The following DNAAF11 variants were observed in gnomAD, a reference collection of about 807,000 sequenced individuals.
DNAAF11 encodes leucine rich repeat containing 6.
A neutral mutation model predicts 60.8 loss-of-function variants in DNAAF11; 45 were observed. The observed-to-expected ratio is 0.74, with a 90% CI of 0.58 to 0.95. The LOEUF is 0.95. DNAAF11 is among the 40% of genes least tolerant of loss of function. The pLI is 0.00. For synonymous variants in DNAAF11, 191 were observed against 183.5 expected, an observed-to-expected ratio of 1.04 and a Z score of -0.33; for missense variants, 546 against 546.2, an observed-to-expected ratio of 1.00 and a Z score of 0.00.
intron 5 of DNAAF11, among the ~76,000 whole-genome samples, chr8:132,628,114 T>A (rs943323550): frequency 2.0e-5 from 3 of 152,076 alleles, no homozygotes; most frequent in Non-Finnish European, 2.9e-5. Context: ...ACTTGTTCTA[T>A]AAAATATTCA....
the DNAAF11 span, among the ~76,000 whole-genome samples, chr8:132,682,759 A>T: frequency 6.6e-6 from 1 of 152,214 alleles, no homozygotes; most frequent in Admixed American, 6.5e-5. Flanking sequence ...TTGGTTCATG[A>T]TTCTGATGGC....
At chr8:132,686,628 G>A in the DNAAF11 span, among the ~76,000 whole-genome samples, 1 of 152,112 alleles carries the variant, frequency 6.6e-6, no homozygotes, top group African/African-American at 2.4e-5. Flanking sequence ...CACCCAGGTA[G>A]ATCATGAGTC....
intron 11 of DNAAF11, among the ~76,000 whole-genome samples, chr8:132,574,971 A>G (rs1814588958): frequency 6.6e-6 from 1 of 152,234 alleles, no homozygotes; most frequent in Non-Finnish European, 1.5e-5. Context: ...CATGTGGCAC[A>G]TAAGCTTATA....
intron 7 of DNAAF11, among the ~76,000 whole-genome samples, chr8:132,618,002 CA>C (rs1237976761): frequency 6.7e-6 from 1 of 149,364 alleles, no homozygotes; most frequent in African/African-American, 2.5e-5. Flanking sequence ...AATCCTAAGC[CA>C]AAAGAACAAA....
rs60462067 is a variant in DNAAF11 at position 132,593,332 on chromosome 8, CATATAT to C, written c.1141-9559_1141-9554del. ...ATAAACTTCAAAGAATATATACATA[CATATAT>C]ATATATATATATATATATATATATT... On this transcript the variant is annotated intron_variant, in intron 10 of 11. Coordinates refer to ENST00000620350, the MANE Select transcript of DNAAF11 (RefSeq NM_012472.6). Among the ~76,000 whole-genome samples the C allele has an allele frequency of 7.8e-3, 844 of 108,708 alleles. 22 individuals are homozygous for C. Among genetic ancestry groups the C allele is most frequent in the African/African-American group, 0.027 (732 of 26,716 alleles). The allele number at this position is 108,708 out of a possible 152,430, so 71.3% of individuals were successfully genotyped here.
chr8:132,595,348 G>GAAAAAAAAAAA (rs71306394), intron 10 of DNAAF11, among the ~76,000 whole-genome samples: 15 of 57,412 alleles, frequency 2.6e-4, no homozygotes, highest in African/African-American at 1.6e-3. Flanking sequence ...AGACAGAGGG[G>GAAAAAAAAAAA]AAAAAAAAAA....
chr8:132,697,943 G>C, the DNAAF11 span, among the ~76,000 whole-genome samples: 1 of 152,112 alleles, frequency 6.6e-6, no homozygotes, highest in Non-Finnish European at 1.5e-5. Context: ...ATAAGAATGG[G>C]ACAGAAAATA....
intron 5 of DNAAF11, among the ~76,000 whole-genome samples, chr8:132,628,566 G>A (rs1461043568): frequency 6.6e-6 from 1 of 152,106 alleles, no homozygotes; most frequent in Non-Finnish European, 1.5e-5. Context: ...CTAGTCAAGA[G>A]GTAGATGTTC....
chr8:132,697,763 T>G, the DNAAF11 span, among the ~76,000 whole-genome samples: 1 of 152,106 alleles, frequency 6.6e-6, no homozygotes, highest in Non-Finnish European at 1.5e-5. Context: ...TGCTAAAGTC[T>G]TCAAGAAATG....
chr8:132,674,220 G>A (rs1292654826), intron 1 of DNAAF11, among the ~76,000 whole-genome samples: 1 of 151,092 alleles, frequency 6.6e-6, no homozygotes, highest in African/African-American at 2.4e-5. Flanking sequence ...GGAGGAGGAG[G>A]AGAAGGAGAA....
At chr8:132,581,661 C>CAAAAAAA (rs59380140) in intron 11 of DNAAF11, among the ~76,000 whole-genome samples, 3 of 82,950 alleles carry the variant, frequency 3.6e-5, no homozygotes, top group Non-Finnish European at 4.7e-5. Flanking sequence ...GACTCTGCCT[C>CAAAAAAA]AAAAAAAAAA....
rs762944139 is a variant in DNAAF11 at position 132,616,212 on chromosome 8, ATT to A, written c.915-1117_915-1116del. Among the ~76,000 whole-genome samples, 12 of 152,134 alleles carry A rather than the reference ATT, an allele frequency of 7.9e-5. No homozygotes were observed. In the East Asian group the frequency reaches 1.3e-3, roughly 17 times the overall value. On this transcript the variant is annotated intron_variant, in intron 7 of 11. Coordinates refer to ENST00000620350, the MANE Select transcript of DNAAF11 (RefSeq NM_012472.6). The stretch of plus-strand genomic sequence containing the variant: ...CATGGCTATGTACAATAAAGGTTGC[ATT>A]CTCTGGCCTCCCTTGCAGGTGGGTG...
chr8:132,700,538 A>T, the DNAAF11 span, among the ~76,000 whole-genome samples: 11 of 149,130 alleles, frequency 7.4e-5, no homozygotes, highest in African/African-American at 1.8e-4. Context: ...AAAAAAAAAA[A>T]TTAGCCAGAT....
At chr8:132,662,637 G>A (rs1364537887) in intron 1 of DNAAF11, among the ~76,000 whole-genome samples, 1 of 152,226 alleles carries the variant, frequency 6.6e-6, no homozygotes, top group Non-Finnish European at 1.5e-5. Context: ...TTTGTCAGAT[G>A]AGGAAGTAAA....
chr8:132,593,359 A>ATATATATATATATT (rs1427637816), intron 10 of DNAAF11, among the ~76,000 whole-genome samples: 2 of 145,044 alleles, frequency 1.4e-5, no homozygotes, highest in African/African-American at 2.5e-5. Flanking sequence ...ATATATATAT[A>ATATATATATATATT]TATTTATATG....
intron 8 of DNAAF11, among the ~76,000 whole-genome samples, chr8:132,614,203 C>A (rs1484972153): frequency 6.6e-6 from 1 of 152,092 alleles, no homozygotes. Context: ...GATGGTGGGG[C>A]AGAGAGGCCC....
intron 5 of DNAAF11, among the ~76,000 whole-genome samples, chr8:132,628,233 GA>G (rs1246113297): frequency 6.6e-6 from 1 of 152,088 alleles, no homozygotes; most frequent in Non-Finnish European, 1.5e-5. Context: ...CCAACATGGT[GA>G]AACCCCATCT....
intron 11 of DNAAF11, among the ~76,000 whole-genome samples, chr8:132,574,174 G>C (rs1231740205): frequency 6.6e-6 from 1 of 152,196 alleles, no homozygotes; most frequent in Non-Finnish European, 1.5e-5. Context: ...CTATGATGCT[G>C]CTTATTCTTT....
At chr8:132,676,505 C>T (rs1432276988), upstream of DNAAF11, among the ~76,000 whole-genome samples, 1 of 152,148 alleles carries the variant, frequency 6.6e-6, no homozygotes, top group Non-Finnish European at 1.5e-5. Context: ...GTATGGAGTG[C>T]GTGCTTCTTA....
Sources: gnomAD v4.1 joint callset for allele counts (sites outside exome capture counted in the v4.1 genomes callset) on GRCh38, gnomAD v4.1.1 for gene constraint, MANE v1.5 for transcripts, NCBI Gene and HGNC (gene_info 2026-07-23, HGNC 2026-07-21) for gene names.